The following SRFBP1 variants were observed in gnomAD, a reference collection of about 807,000 sequenced individuals.
SRFBP1 encodes serum response factor-binding protein 1.
Under a neutral mutation model 45.5 loss-of-function variants are expected in SRFBP1, and 47 were observed. That is an observed-to-expected ratio of 1.03 (90% CI 0.82 to 1.32). SRFBP1 has a LOEUF of 1.32. SRFBP1 is among the 40% of genes most tolerant of loss of function. The probability of loss-of-function intolerance (pLI) is 0.00; values close to 1 mark genes in which losing one functional copy is unlikely to be tolerated. For synonymous variants in SRFBP1, 203 were observed against 166.3 expected, an observed-to-expected ratio of 1.22 and a Z score of -1.70; for missense variants, 621 against 484.6, an observed-to-expected ratio of 1.28 and a Z score of -2.64.
At chr5:122,045,058 A>G (rs1461111073) in intron 2 of SRFBP1, among the ~76,000 whole-genome samples, 2 of 152,046 alleles carry the variant, frequency 1.3e-5, no homozygotes, top group East Asian at 1.9e-4. Flanking sequence ...TAGGGGTCCA[A>G]TTTCAATCTT....
chr5:122,006,723 C>G (rs1752982634), intron 4 of SRFBP1, among the ~76,000 whole-genome samples: 1 of 150,466 alleles, frequency 6.6e-6, no homozygotes, highest in Non-Finnish European at 1.5e-5. Context: ...TTTTTCACCT[C>G]TAGAATTTAA....
At chr5:122,001,417 A>G in intron 4 of SRFBP1, among the ~76,000 whole-genome samples, 1 of 136,696 alleles carries the variant, frequency 7.3e-6, no homozygotes, top group Non-Finnish European at 1.6e-5. Context: ...TTTATTTTTT[A>G]TTTTTATTTT....
chr5:122,052,204 A>G (rs942457960), intron 2 of SRFBP1, among the ~76,000 whole-genome samples: 1 of 152,096 alleles, frequency 6.6e-6, no homozygotes, highest in Non-Finnish European at 1.5e-5. Flanking sequence ...TGGACCTTGT[A>G]GAATCTGATT....
At chr5:122,064,390 G>C (rs539723592) in intron 2 of SRFBP1, 1 of 151,836 alleles carries the variant, frequency 6.6e-6, no homozygotes, top group Middle Eastern at 3.4e-3. Flanking sequence ...AGAGGTGCCA[G>C]GAGGGGGATG....
At chr5:122,012,825 T>C (rs1243987782) in intron 4 of SRFBP1, among the ~76,000 whole-genome samples, 1 of 152,084 alleles carries the variant, frequency 6.6e-6, no homozygotes, top group Non-Finnish European at 1.5e-5. Context: ...AACTTGTGCC[T>C]TTTTCTTTGA....
Position 121,987,192 on chromosome 5 carries a change from G to T in SRFBP1, c.199-7407G>T, listed in dbSNP as rs185099817. ...TACAATGGAGGGAACAGATAAAACT[G>T]ACAGTACCAAAGAGAAAGCAGAAAG... On this transcript the variant is annotated intron_variant, in intron 3 of 7. Coordinates refer to ENST00000339397, the MANE Select transcript of SRFBP1 (RefSeq NM_152546.3). Among the ~76,000 whole-genome samples, 692 of 152,136 alleles carry T rather than the reference G, an allele frequency of 4.5e-3. 5 individuals are homozygous for T. Among genetic ancestry groups the T allele is most frequent in the African/African-American group, 0.016 (654 of 41,544 alleles).
chr5:122,048,876 G>A (rs1678223217), intron 2 of SRFBP1, among the ~76,000 whole-genome samples: 2 of 152,062 alleles, frequency 1.3e-5, no homozygotes, highest in Non-Finnish European at 2.9e-5. Context: ...GTCTTTCTGT[G>A]GGATCAGTGA....
intron 4 of SRFBP1, among the ~76,000 whole-genome samples, chr5:121,997,825 A>G (rs963339789): frequency 3.3e-5 from 5 of 151,640 alleles, no homozygotes; most frequent in Non-Finnish European, 5.9e-5. Context: ...ACAAGAAAAA[A>G]ACAAACAACC....
downstream of SRFBP1, chr5:122,077,547 C>T (rs755071414): frequency 6.8e-6 from 11 of 1,613,304 alleles, no homozygotes; most frequent in Middle Eastern, 1.6e-4. This position sits in a 1 kb window ranked among gnomAD's most constrained non-coding sequence, Gnocchi z 4.9. Context: ...TCTCCCGGCG[C>T]TGTCTGGTTC....
intron 3 of SRFBP1, among the ~76,000 whole-genome samples, chr5:121,988,263 A>G (rs552899269): frequency 2.6e-5 from 4 of 152,208 alleles, no homozygotes; most frequent in Non-Finnish European, 4.4e-5. Flanking sequence ...GATTCTTTGA[A>G]TGAGTTTCTT....
At chr5:122,021,060 C>G (rs1753305471) in intron 6 of SRFBP1, among the ~76,000 whole-genome samples, 1 of 152,168 alleles carries the variant, frequency 6.6e-6, no homozygotes, top group Non-Finnish European at 1.5e-5. Flanking sequence ...TATTCCTTCA[C>G]TTATCAAAGT....
At chr5:122,050,583 C>T (rs754981740) in intron 2 of SRFBP1, among the ~76,000 whole-genome samples, 6 of 151,948 alleles carry the variant, frequency 3.9e-5, no homozygotes, top group Non-Finnish European at 8.8e-5. Context: ...GTTTGTATTT[C>T]TGTGGGGTCA....
chr5:122,022,822 T>C (rs919431577), intron 7 of SRFBP1, among the ~76,000 whole-genome samples: 2 of 152,220 alleles, frequency 1.3e-5, no homozygotes, highest in African/African-American at 4.8e-5. Flanking sequence ...AATCTAAGTT[T>C]CATGTATTTG....
chr5:122,022,481 G>T, intron 7 of SRFBP1, 74 bp downstream of exon 7: 1 of 1,348,756 alleles, frequency 7.4e-7, no homozygotes, highest in Non-Finnish European at 1.0e-6. Context: ...ATGAGAAATT[G>T]TTGTTGCTTA....
At position 122,020,255 on chromosome 5, in the gene SRFBP1, A is replaced by C. The variant is rs773474327; in HGVS notation, c.520A>C (p.Lys174Gln). 9 of 1,612,776 alleles carry C rather than the reference A, an allele frequency of 5.6e-6. No homozygotes were observed. Among genetic ancestry groups the C allele is most frequent in the Non-Finnish European group, 7.6e-6 (9 of 1,179,710 alleles). The change falls in exon 6 of 8, where the codon AAA becomes CAA. Residue 174 changes from lysine (K) to glutamine (Q), a missense_variant. Transcript: ENST00000339397. The part of the protein sequence containing the change: ...VISEQKVKET[K>Q]ILAKKPIHNS... ...CAGTGAGCAAAAAGTCAAAGAAACC[A>C]AAATATTGGCGAAGAAACCAATACA... is the stretch of plus-strand genomic sequence containing the variant.
At chr5:122,007,375 A>G (rs1364862867) in intron 4 of SRFBP1, among the ~76,000 whole-genome samples, 4 of 149,438 alleles carry the variant, frequency 2.7e-5, no homozygotes, top group African/African-American at 7.4e-5. Flanking sequence ...GCCTGGTACC[A>G]TGGGGGCTGG....
intron 2 of SRFBP1, among the ~76,000 whole-genome samples, chr5:122,034,799 A>T (rs920665416): frequency 6.6e-6 from 1 of 151,876 alleles, no homozygotes; most frequent in African/African-American, 2.4e-5. Flanking sequence ...CATGGAAAGA[A>T]TTTTTTGAGC....
intron 2 of SRFBP1, among the ~76,000 whole-genome samples, chr5:122,068,174 TAAAAAAAAAAAAA>T (rs10650287): frequency 8.6e-6 from 1 of 115,910 alleles, no homozygotes; most frequent in Non-Finnish European, 1.7e-5. Context: ...TAATAACTAG[TAAAAAAAAAAAAA>T]AAAAAAAAAA....
intron 2 of SRFBP1, among the ~76,000 whole-genome samples, chr5:122,046,036 C>T (rs1250939657): frequency 2.0e-5 from 3 of 151,836 alleles, no homozygotes; most frequent in Non-Finnish European, 4.4e-5. Flanking sequence ...TCCTTCAATG[C>T]CTAGTTTATT....
Sources: allele counts gnomAD v4.1 joint callset (sites outside exome capture counted in the v4.1 genomes callset), GRCh38; gene constraint gnomAD v4.1.1; non-coding constraint Gnocchi (gnomAD v3.1); transcripts MANE v1.5; gene names NCBI Gene and HGNC (gene_info 2026-07-23, HGNC 2026-07-21).